The following ITGA8 variants were observed in gnomAD, a reference collection of about 807,000 sequenced individuals.
ITGA8 encodes integrin subunit alpha 8, also known as integrin alpha-8.
Under a neutral mutation model 142.3 loss-of-function variants are expected in ITGA8, and 91 were observed. The observed-to-expected ratio is 0.64, with a 90% CI of 0.54 to 0.76. ITGA8 has a LOEUF of 0.76. Among genes scored for constraint, ITGA8 ranks in the 30% least tolerant of loss-of-function variants. The pLI, the probability that ITGA8 is intolerant of heterozygous loss-of-function variation, is 0.00. For missense variants in ITGA8, 1,406 were observed against 1,327.7 expected (o/e 1.06, Z -0.92); for synonymous variants, 505 against 485.2 (o/e 1.04, Z -0.54).
chr10:15,638,893 G>A (rs769604041), intron 13 of ITGA8, among the ~76,000 whole-genome samples: 1 of 152,102 alleles, frequency 6.6e-6, no homozygotes, highest in African/African-American at 2.4e-5. Context: ...TTGGGAGCCT[G>A]AGGCGGGAGG....
intron 27 of ITGA8, among the ~76,000 whole-genome samples, chr10:15,536,363 T>G (rs988298225): frequency 5.3e-5 from 8 of 152,160 alleles, no homozygotes; most frequent in Non-Finnish European, 1.2e-4. Context: ...CGTGGTTTAT[T>G]AGACTGATCA....
At chr10:15,523,716 C>A (rs1049976885) in intron 28 of ITGA8, among the ~76,000 whole-genome samples, 58 of 149,790 alleles carry the variant, frequency 3.9e-4, no homozygotes, top group Non-Finnish European at 6.5e-4. Flanking sequence ...TCGAGACCAG[C>A]CTGGCCAACA....
intron 26 of ITGA8, among the ~76,000 whole-genome samples, chr10:15,552,441 CT>C (rs1362508600): frequency 6.6e-6 from 1 of 152,114 alleles, no homozygotes; most frequent in Non-Finnish European, 1.5e-5. Flanking sequence ...CCCTGTCTAA[CT>C]TTGATTTTTC....
rs1832938935 is a variant in ITGA8, at chr10:15,515,031, A to T, written c.*2127T>A. On this transcript the variant is annotated 3_prime_UTR_variant, in exon 30 of 30. Transcript: ENST00000378076. ...ATGTTGGCTTAAAGACAAGGGGTGC[A>T]TTTTTTCAGGGACCTTTTAGGACCC... is the stretch of plus-strand genomic sequence containing the variant. The T allele has an allele frequency of 6.6e-6, 1 of 152,022 alleles. No homozygotes were observed. The highest frequency in any genetic ancestry group is 2.4e-5 in the African/African-American group (1 of 41,446). The allele number at this position is 152,022 out of a possible 1,614,324, so 9.4% of individuals were successfully genotyped here. A position where few individuals can be genotyped will look rare whatever the true frequency, so the allele number is the denominator to read the frequency against.
At position 15,572,261 on chromosome 10, in the gene ITGA8, C is replaced by T. The variant is rs1257622000; in HGVS notation, c.2587G>A (p.Gly863Arg). ...LLYIFHIQTL[G>R]PLQCQPNPNI... is the part of the protein sequence containing the mutation. ...GGATTTGGTTGGCACTGCAGAGGTC[C>T]CAGAGTTTGAATATGGAAAATATAG... The change falls in exon 25 of 30, where the codon GGA becomes AGA. Residue 863 changes from glycine (G) to arginine (R), a missense_variant. Physicochemically the swap from Gly to Arg is moderately radical, Grantham distance 125. Transcript: ENST00000378076. 6.2e-7 allele frequency: 1 copy of T among 1,613,716 alleles called. No homozygotes were observed. The highest frequency in any genetic ancestry group is 1.7e-5 in the Admixed American group (1 of 59,990).
rs761851183 is a variant in ITGA8 at position 15,572,357 on chromosome 10, C to T, written c.2491G>A (p.Gly831Arg). Residue 831 changes from glycine (G) to arginine (R), a missense_variant, in exon 25 of 30, where the codon GGA becomes AGA. Gly to Arg is a moderately radical substitution (Grantham distance 125, BLOSUM62 -2). Coordinates refer to ENST00000378076, the MANE Select transcript of ITGA8 (RefSeq NM_003638.3). ...ATGGTGTCACTGATGGTACTTGGTC[C>T]AATATTGTGCAGCTGTAAACAAGTG... ...VEHIYELHNI[G>R]PSTISDTILE... is the part of the protein sequence containing the mutation. 1.9e-6 allele frequency: 3 copies of T among 1,613,770 alleles called. No homozygotes were observed. The South Asian group carries it at 3.3e-5, about 18-fold the overall frequency.
rs374735461 is a variant in ITGA8, at chr10:15,644,938, A to G, written c.1208-717T>C. On this transcript the variant is annotated intron_variant, in intron 12 of 29. Transcript: ENST00000378076. ...AAAACCCCATCTCTACTAAAAATACAAAAAATTAGCCTGGCGTAGTGGCGG... is the reference window on the plus strand; with the variant it reads ...AAAACCCCATCTCTACTAAAAATACGAAAAATTAGCCTGGCGTAGTGGCGG... Among the ~76,000 whole-genome samples the G allele has an allele frequency of 1.6e-4, 25 of 151,596 alleles. No homozygotes were observed. The East Asian group carries it at 4.1e-3, about 25-fold the overall frequency.
At chr10:15,624,524 C>T (rs1004572781) in intron 13 of ITGA8, among the ~76,000 whole-genome samples, 1 of 152,162 alleles carries the variant, frequency 6.6e-6, no homozygotes, top group Non-Finnish European at 1.5e-5. Context: ...CACTGAGAGA[C>T]AGCCAGTTTC....
intron 8 of ITGA8, among the ~76,000 whole-genome samples, chr10:15,669,076 A>G: frequency 6.6e-6 from 1 of 152,104 alleles, no homozygotes; most frequent in Non-Finnish European, 1.5e-5. Flanking sequence ...GCCTTGATAG[A>G]TTGGGGAAGT....
At chr10:15,576,397 T>C (rs540121319) in intron 23 of ITGA8, among the ~76,000 whole-genome samples, 1 of 152,348 alleles carries the variant, frequency 6.6e-6, no homozygotes, top group East Asian at 1.9e-4. Context: ...AAAAAGCTGA[T>C]TACAAACTAA....
At chr10:15,676,922 T>C (rs913784151) in intron 6 of ITGA8, among the ~76,000 whole-genome samples, 6 of 152,100 alleles carry the variant, frequency 3.9e-5, no homozygotes, top group African/African-American at 9.7e-5. Flanking sequence ...GGCAGGAGAA[T>C]TGCTTGAACC....
chr10:15,699,615 T>C (rs1835123753), intron 2 of ITGA8, among the ~76,000 whole-genome samples: 1 of 152,210 alleles, frequency 6.6e-6, no homozygotes, highest in Admixed American at 6.5e-5. Context: ...TTTTCCCACT[T>C]CTACTCTGAG....
At chr10:15,698,010 C>A (rs61843890) in intron 2 of ITGA8, among the ~76,000 whole-genome samples, 2 of 152,088 alleles carry the variant, frequency 1.3e-5, no homozygotes, top group African/African-American at 2.4e-5. Flanking sequence ...CACCCATCAC[C>A]CAAGCAGCGT....
At chr10:15,678,892 A>G (rs1022594063) in intron 4 of ITGA8, 109 bp from the exon 5 acceptor site, 2 of 597,600 alleles carry the variant, frequency 3.3e-6, no homozygotes, top group Non-Finnish European at 5.8e-6. Context: ...CTAAATTAAA[A>G]ATGATCAATA....
chr10:15,650,204 A>T (rs1356384195), intron 11 of ITGA8, among the ~76,000 whole-genome samples: 1 of 152,172 alleles, frequency 6.6e-6, no homozygotes, highest in African/African-American at 2.4e-5. Flanking sequence ...TATGATTCCA[A>T]CTGCATGACA....
intron 5 of ITGA8, among the ~76,000 whole-genome samples, chr10:15,677,954 G>T (rs998236228): frequency 3.3e-5 from 5 of 152,174 alleles, no homozygotes; most frequent in African/African-American, 1.2e-4. Context: ...GTGCTGTGCA[G>T]TTTTGCAGAC....
chr10:15,717,885 T>C (rs976404658), intron 2 of ITGA8, among the ~76,000 whole-genome samples: 14 of 152,202 alleles, frequency 9.2e-5, no homozygotes, highest in Admixed American at 8.5e-4. Context: ...CAATTAAAAA[T>C]CAAAGAAATC....
intron 26 of ITGA8, among the ~76,000 whole-genome samples, chr10:15,550,663 G>A (rs1833778231): frequency 6.6e-6 from 1 of 152,122 alleles, no homozygotes; most frequent in African/African-American, 2.4e-5. Context: ...GGTATATGAG[G>A]GTGAAATGGA....
intron 28 of ITGA8, among the ~76,000 whole-genome samples, chr10:15,524,283 C>T (rs1833124797): frequency 6.6e-6 from 1 of 152,180 alleles, no homozygotes; most frequent in African/African-American, 2.4e-5. Context: ...AGTGGAAATA[C>T]AGAAAACCAA....
Sources: allele counts gnomAD v4.1 joint callset (sites outside exome capture counted in the v4.1 genomes callset), GRCh38; gene constraint gnomAD v4.1.1; transcripts MANE v1.5; gene names NCBI Gene and HGNC (gene_info 2026-07-23, HGNC 2026-07-21).